Variants in ERBB4 observed in about 807,000 individuals in gnomAD.
ERBB4 encodes receptor tyrosine-protein kinase erbB-4.
In ERBB4, 42 loss-of-function variants were observed where a neutral mutation model predicts 158.0. That is an observed-to-expected ratio of 0.27 (90% CI 0.21 to 0.34). The LOEUF (loss-of-function observed/expected upper bound fraction) is 0.34, where lower values mean the gene tolerates loss of function less well. Ranked by LOEUF, ERBB4 falls within the 10% of genes least tolerant of loss-of-function variation. The pLI, the probability that ERBB4 is intolerant of heterozygous loss-of-function variation, is 1.00. For synonymous variants in ERBB4, 583 were observed against 558.7 expected (o/e 1.04, Z -0.61); for missense variants, 1,333 against 1,624.1 (o/e 0.82, Z 3.08).
chr2:212,286,518 C>T (rs1574601289), intron 1 of ERBB4, among the ~76,000 whole-genome samples: 1 of 150,400 alleles, frequency 6.6e-6, no homozygotes, highest in Non-Finnish European at 1.5e-5. Context: ...CTCTGAGCCT[C>T]AGTTTTCTCT....
rs180989397 is a variant in ERBB4, at chr2:212,012,533, G to A, written c.235-64917C>T. On this transcript the variant is annotated intron_variant, in intron 2 of 27. Transcript: ENST00000342788. ...CAAGCTCAAGCAATTCTCCGCCTCA[G>A]CCACCTGACTAGCTGGGACCACAGG... Among the ~76,000 whole-genome samples, 141 of 150,838 alleles carry A rather than the reference G, an allele frequency of 9.3e-4. 1 individual carries two copies. Among genetic ancestry groups the A allele is most frequent in the African/African-American group, 3.3e-3 (135 of 40,954 alleles).
chr2:212,045,219 G>A (rs186379732), intron 2 of ERBB4, among the ~76,000 whole-genome samples: 3 of 152,270 alleles, frequency 2.0e-5, no homozygotes, highest in Admixed American at 6.5e-5. Flanking sequence ...CAGCGCTTTG[G>A]GAGGCCAAGG....
intron 2 of ERBB4, among the ~76,000 whole-genome samples, chr2:211,991,235 A>C (rs531765543): frequency 2.0e-5 from 3 of 152,212 alleles, no homozygotes; most frequent in African/African-American, 7.2e-5. Flanking sequence ...TATTATAGAC[A>C]AAAAACAAAT....
Position 211,526,965 on chromosome 2 carries a change from G to C in ERBB4, c.2487+34938C>G, listed in dbSNP as rs12615605. On this transcript the variant is annotated intron_variant, in intron 20 of 27. Transcript: ENST00000342788. Reference sequence around the variant, plus strand: ...CAAGATCTAGAAAATAGCCTCAGAAGTGCAAATCTAAGAGTTATTGGCCTT... The same window carrying C: ...CAAGATCTAGAAAATAGCCTCAGAACTGCAAATCTAAGAGTTATTGGCCTT... Among the ~76,000 whole-genome samples, 146 of 152,108 alleles carry C rather than the reference G, an allele frequency of 9.6e-4. 5 individuals carry two copies. In the East Asian group the frequency reaches 0.026, roughly 28 times the overall value.
chr2:211,769,210 A>T (rs957344716), intron 4 of ERBB4, among the ~76,000 whole-genome samples: 3 of 152,154 alleles, frequency 2.0e-5, no homozygotes, highest in Non-Finnish European at 4.4e-5. Flanking sequence ...AGTTCCAAAT[A>T]AATTCCTCAT....
At chr2:212,133,573 G>A (rs1282440635) in intron 1 of ERBB4, among the ~76,000 whole-genome samples, 1 of 150,942 alleles carries the variant, frequency 6.6e-6, no homozygotes, top group East Asian at 2.0e-4. Flanking sequence ...GTAAACATCA[G>A]TAAACAGGCA....
At chr2:211,646,290 T>C (rs1172797381) in intron 16 of ERBB4, among the ~76,000 whole-genome samples, 1 of 151,454 alleles carries the variant, frequency 6.6e-6, no homozygotes, top group Non-Finnish European at 1.5e-5. Flanking sequence ...ATTAAAAATA[T>C]ATTTTAAAAA....
intron 2 of ERBB4, among the ~76,000 whole-genome samples, chr2:212,090,674 A>G (rs2078747687): frequency 6.6e-6 from 1 of 152,164 alleles, no homozygotes; most frequent in Admixed American, 6.6e-5. Context: ...ACTGATGCAC[A>G]GGCCATACTT....
chr2:211,504,993 G>A (rs780430366), intron 20 of ERBB4, among the ~76,000 whole-genome samples: 4 of 152,168 alleles, frequency 2.6e-5, no homozygotes, highest in Non-Finnish European at 4.4e-5. Context: ...TCTTGAGGGA[G>A]AAGATGAAAA....
chr2:211,626,815 C>G (rs2069865400), intron 17 of ERBB4, among the ~76,000 whole-genome samples: 1 of 151,872 alleles, frequency 6.6e-6, no homozygotes, highest in South Asian at 2.1e-4. Flanking sequence ...GTCCCAACTA[C>G]TCGGGAGGCT....
intron 2 of ERBB4, among the ~76,000 whole-genome samples, chr2:212,081,784 T>A (rs1336351768): frequency 6.6e-6 from 1 of 152,118 alleles, no homozygotes; most frequent in Non-Finnish European, 1.5e-5. Flanking sequence ...ACATTACATT[T>A]CCAGGGAAAG....
intron 1 of ERBB4, among the ~76,000 whole-genome samples, chr2:212,284,154 G>C (rs2085867355): frequency 6.6e-6 from 1 of 152,036 alleles, no homozygotes; most frequent in Non-Finnish European, 1.5e-5. Flanking sequence ...TTATCAACAG[G>C]TTCAGATAAG....
At chr2:211,571,163 C>T (rs935717512) in intron 19 of ERBB4, among the ~76,000 whole-genome samples, 2 of 151,638 alleles carry the variant, frequency 1.3e-5, no homozygotes, top group Non-Finnish European at 2.9e-5. Flanking sequence ...CTGCCTCAGC[C>T]TCCTGAGTAG....
At chr2:211,824,511 T>C (rs1009275775) in intron 3 of ERBB4, among the ~76,000 whole-genome samples, 1 of 152,040 alleles carries the variant, frequency 6.6e-6, no homozygotes, top group South Asian at 2.1e-4. Flanking sequence ...ATTACTTCTT[T>C]TTAAGTTAAA....
chr2:211,377,451 A>C lies in ERBB4; in HGVS notation c.*6164T>G, dbSNP rs551704152. On this transcript the variant is annotated 3_prime_UTR_variant, in exon 28 of 28. Transcript: ENST00000342788. Reference sequence around the variant, plus strand: ...TAGGGAAAGCTCACTAGAGCATGAAAAGAAAAACGTCCATAAAGAGCAAAA... The same window carrying C: ...TAGGGAAAGCTCACTAGAGCATGAACAGAAAAACGTCCATAAAGAGCAAAA... 1.7e-5 allele frequency: 4 copies of C among 233,050 alleles called. No individual in the cohort carries two copies. In the East Asian group the frequency reaches 2.4e-4, roughly 14 times the overall value. The allele number at this position is 233,050 out of a possible 1,614,324, so 14.4% of individuals were successfully genotyped here.
chr2:212,276,740 T>C (rs1342412773), intron 1 of ERBB4, among the ~76,000 whole-genome samples: 2 of 151,858 alleles, frequency 1.3e-5, no homozygotes, highest in Admixed American at 6.6e-5. Flanking sequence ...GAATTATTTT[T>C]CTCTCTGATT....
intron 20 of ERBB4, among the ~76,000 whole-genome samples, chr2:211,549,922 A>T (rs966669855): frequency 6.6e-6 from 1 of 152,128 alleles, no homozygotes; most frequent in Admixed American, 6.5e-5. Flanking sequence ...TATCTCTAGA[A>T]AGAACCCTGT....
intron 16 of ERBB4, among the ~76,000 whole-genome samples, chr2:211,631,874 C>T (rs144443042): frequency 6.6e-6 from 1 of 152,096 alleles, no homozygotes; most frequent in East Asian, 1.9e-4. Context: ...TTTAAAAGAA[C>T]TTATACTACA....
intron 19 of ERBB4, among the ~76,000 whole-genome samples, chr2:211,567,986 T>C (rs2067601875): frequency 6.6e-6 from 1 of 152,136 alleles, no homozygotes; most frequent in Non-Finnish European, 1.5e-5. Context: ...TAGTTATCTT[T>C]GTGTGGGACC....
Sources: allele counts gnomAD v4.1 joint callset (sites outside exome capture counted in the v4.1 genomes callset), GRCh38; gene constraint gnomAD v4.1.1; transcripts MANE v1.5; gene names NCBI Gene and HGNC (gene_info 2026-07-23, HGNC 2026-07-21).